The following KCTD1 variants were observed in gnomAD, a reference collection of about 807,000 sequenced individuals.
The protein encoded by KCTD1 is BTB/POZ domain-containing protein KCTD1.
KCTD1 carries 24 observed loss-of-function variants against 66.0 expected under a neutral mutation model. That is an observed-to-expected ratio of 0.36 (90% confidence interval 0.26 to 0.51). The LOEUF (loss-of-function observed/expected upper bound fraction) is 0.51, where lower values mean the gene tolerates loss of function less well. Among genes scored for constraint, KCTD1 ranks in the 20% least tolerant of loss-of-function variants. KCTD1 has a pLI of 0.95. For synonymous variants in KCTD1, 511 were observed against 517.2 expected (o/e 0.99, Z 0.16); for missense variants, 943 against 1,205.2 (o/e 0.78, Z 3.22).
intron 1 of KCTD1, among the ~76,000 whole-genome samples, chr18:26,509,000 G>A (rs1053648342): frequency 1.3e-5 from 2 of 152,104 alleles, no homozygotes; most frequent in African/African-American, 2.4e-5. Context: ...TAACATCAAC[G>A]TGTTTTGAAA....
At chr18:26,554,433 A>T (rs1199497053) in intron 1 of KCTD1, among the ~76,000 whole-genome samples, 1 of 152,024 alleles carries the variant, frequency 6.6e-6, no homozygotes, top group Non-Finnish European at 1.5e-5. Flanking sequence ...TCACTTGGCC[A>T]CCTAAACACT....
At chr18:26,568,145 A>G (rs1008891489) in intron 1 of KCTD1, among the ~76,000 whole-genome samples, 1 of 152,244 alleles carries the variant, frequency 6.6e-6, no homozygotes, top group Non-Finnish European at 1.5e-5. Flanking sequence ...CCCCACATAC[A>G]GCAAAAGTAA....
At position 26,501,122 on chromosome 18, in the gene KCTD1, G is replaced by A. The variant is rs1419662373; in HGVS notation, c.1938C>T (p.Gly646=). Residue 646 remains glycine, a synonymous_variant, in exon 2 of 5, where the codon GGC becomes GGT. Coordinates refer to ENST00000580059, the MANE Select transcript of KCTD1 (RefSeq NM_001142730.3). ...TGGCCAGGCTGCTGGTGTACATGTG[G>A]CCGCCCACATCAATGTGGACAGGCG... ...SNAPVHIDVG[G]HMYTSSLATL... is the part of the protein sequence containing the mutation. 5 of 1,614,076 alleles carry A rather than the reference G, an allele frequency of 3.1e-6. No individual in the cohort carries two copies. Among genetic ancestry groups the A allele is most frequent in the Non-Finnish European group, 4.2e-6 (5 of 1,180,032 alleles).
At chr18:26,561,651 A>G (rs1985852426) in intron 1 of KCTD1, among the ~76,000 whole-genome samples, 1 of 152,244 alleles carries the variant, frequency 6.6e-6, no homozygotes, top group Non-Finnish European at 1.5e-5. Context: ...GCCACTGATG[A>G]AGGGACAGAT....
chr18:26,617,143 G>A (rs1330438028), intron 1 of KCTD1, among the ~76,000 whole-genome samples: 1 of 152,190 alleles, frequency 6.6e-6, no homozygotes, highest in Non-Finnish European at 1.5e-5. Flanking sequence ...TAACACCTAT[G>A]AACCTGTGAG....
intron 1 of KCTD1, among the ~76,000 whole-genome samples, chr18:26,525,861 A>G (rs1271920268): frequency 1.3e-5 from 2 of 152,178 alleles, no homozygotes; most frequent in African/African-American, 4.8e-5. Context: ...TGATAGGATC[A>G]CAGACATGAG....
chr18:26,514,549 CA>C lies in KCTD1; in HGVS notation c.1810-13300del, dbSNP rs200444964. Among the ~76,000 whole-genome samples, 67 of 121,810 alleles carry C rather than the reference CA, an allele frequency of 5.5e-4. 1 individual carries two copies. Among genetic ancestry groups the C allele is most frequent in the Middle Eastern group, 4.1e-3 (1 of 246 alleles). 79.9% of individuals were successfully genotyped at this position (121,810 alleles called of 152,430 possible). Reference sequence around the variant, plus strand: ...CAGGCAACAGAGTGAGACCTTGTCTCAAAAAAAAAAAAAAAAAAAAAAGAAA... The same window carrying C: ...CAGGCAACAGAGTGAGACCTTGTCTCAAAAAAAAAAAAAAAAAAAAAGAAA... On this transcript the variant is annotated intron_variant, in intron 1 of 4. Transcript: ENST00000580059.
chr18:26,603,453 A>C (rs555187880), intron 1 of KCTD1, among the ~76,000 whole-genome samples: 3 of 151,456 alleles, frequency 2.0e-5, no homozygotes, highest in Non-Finnish European at 4.4e-5. Flanking sequence ...AAAAGACTTA[A>C]ATGTAAGCCA....
chr18:26,494,480 A>C (rs905080152), intron 2 of KCTD1, among the ~76,000 whole-genome samples: 2 of 152,232 alleles, frequency 1.3e-5, no homozygotes, highest in African/African-American at 4.8e-5. Context: ...GAGCTAGATT[A>C]CTTTAAAAAT....
Position 26,478,108 on chromosome 18 carries a change from T to C in KCTD1, c.1989-1449A>G, listed in dbSNP as rs115462796. The stretch of plus-strand genomic sequence containing the variant: ...CAATTTGATACAGGATGAAAAAGAA[T>C]GAGATTTGTTTGCCTATTATTAAAA... On this transcript the variant is annotated intron_variant, in intron 2 of 4. Transcript: ENST00000580059. 3.0e-3 allele frequency among the ~76,000 whole-genome samples: 452 copies of C among 152,334 alleles called. 4 individuals are homozygous for C. Among genetic ancestry groups the C allele is most frequent in the African/African-American group, 0.01 (434 of 41,582 alleles).
chr18:26,604,555 T>C (rs1035501424), intron 1 of KCTD1, among the ~76,000 whole-genome samples: 2 of 152,232 alleles, frequency 1.3e-5, no homozygotes, highest in Non-Finnish European at 2.9e-5. Context: ...TGGAATACTA[T>C]GCAGCCATAA....
At chr18:26,552,756 G>A (rs1985606840), upstream of KCTD1, among the ~76,000 whole-genome samples, 1 of 152,158 alleles carries the variant, frequency 6.6e-6, no homozygotes, top group Non-Finnish European at 1.5e-5. Flanking sequence ...TCTATTAAGA[G>A]AGGTGGGCTG....
In KCTD1 at chr18:26,649,267, T is replaced by C. The variant is rs141101202; in HGVS notation, c.9+8093A>G. On this transcript the variant is annotated intron_variant, in intron 1 of 4. Coordinates refer to the KCTD1 transcript ENST00000580191. ...TCTCAACCCAGAGCATGGTAGACGC[T>C]GGAGGTTAACAGCACTTTCTTCTGT... Among the ~76,000 whole-genome samples the C allele has an allele frequency of 2.2e-3, 339 of 152,326 alleles. 2 individuals carry two copies. Among genetic ancestry groups the C allele is most frequent in the African/African-American group, 8.0e-3 (332 of 41,570 alleles).
At chr18:26,461,532 C>CTCT (rs1841298200) in intron 3 of KCTD1, among the ~76,000 whole-genome samples, 1 of 152,202 alleles carries the variant, frequency 6.6e-6, no homozygotes, top group Admixed American at 6.5e-5. Flanking sequence ...GGTGTGGCCA[C>CTCT]TCTTAAGACA....
chr18:26,600,101 A>T, intron 1 of KCTD1: 2 of 1,610,882 alleles, frequency 1.2e-6, no homozygotes, highest in Non-Finnish European at 1.7e-6. Context: ...GCTTCCCTGC[A>T]GGCTGCTTCT....
At chr18:26,618,279 C>T (rs1348385629) in intron 1 of KCTD1, among the ~76,000 whole-genome samples, 1 of 152,058 alleles carries the variant, frequency 6.6e-6, no homozygotes, top group Non-Finnish European at 1.5e-5. Context: ...TGTGAGGGTT[C>T]AAAAGAAAAT....
chr18:26,570,317 C>T (rs1986078429), intron 1 of KCTD1, among the ~76,000 whole-genome samples: 1 of 151,774 alleles, frequency 6.6e-6, no homozygotes, highest in Non-Finnish European at 1.5e-5. Flanking sequence ...TTGTATAACT[C>T]TATTTTGTCC....
At chr18:26,636,257 C>A (rs1479429583) in intron 1 of KCTD1, among the ~76,000 whole-genome samples, 2 of 152,140 alleles carry the variant, frequency 1.3e-5, no homozygotes. Context: ...TATTTCATGG[C>A]GGTCTGGTTG....
In KCTD1 at chr18:26,548,160, T is replaced by C; in HGVS notation, c.377A>G (p.Asp126Gly). The change falls in exon 1 of 5, where the codon GAC becomes GGC. Residue 126 changes from aspartate to glycine, a missense_variant. Coordinates refer to ENST00000580059, the MANE Select transcript of KCTD1 (RefSeq NM_001142730.3). Reference sequence around the variant, plus strand: ...CTCGGGCTCCAGCGCGGCGCTCTGGTCCATATTGATCATATGGACCGGCTC... The same window carrying C: ...CTCGGGCTCCAGCGCGGCGCTCTGGCCCATATTGATCATATGGACCGGCTC... Reference protein sequence around the residue: ...EPEPVHMINMDQSAALEPEAP... With the variant: ...EPEPVHMINMGQSAALEPEAP... 1 of 1,463,498 alleles carries C rather than the reference T, an allele frequency of 6.8e-7. No homozygotes were observed. The allele number at this position is 1,463,498 out of a possible 1,614,324, so 90.7% of individuals were successfully genotyped here.
Sources: gnomAD v4.1 joint callset for allele counts (sites outside exome capture counted in the v4.1 genomes callset) on GRCh38, gnomAD v4.1.1 for gene constraint, MANE v1.5 for transcripts, NCBI Gene and HGNC (gene_info 2026-07-23, HGNC 2026-07-21) for gene names.